Variants in DYNC2H1 observed in about 807,000 individuals in gnomAD.
DYNC2H1 encodes dynein cytoplasmic 2 heavy chain 1, also known as cytoplasmic dynein 2 heavy chain 1.
DYNC2H1 carries 410 observed loss-of-function variants against 570.0 expected under a neutral mutation model. The ratio of observed to expected loss-of-function variants is 0.72; its 90% confidence interval spans 0.66 to 0.78. The LOEUF (loss-of-function observed/expected upper bound fraction) is 0.78, where lower values mean the gene tolerates loss of function less well. Ranked by LOEUF, DYNC2H1 falls within the 30% of genes least tolerant of loss-of-function variation. DYNC2H1 has a pLI of 0.00. For synonymous variants in DYNC2H1, 1,688 were observed against 1,677.6 expected, an observed-to-expected ratio of 1.01 and a Z score of -0.15; for missense variants, 4,865 against 5,046.4, an observed-to-expected ratio of 0.96 and a Z score of 1.09.
chr11:103,458,569 G>A (rs1944878267), intron 87 of DYNC2H1, among the ~76,000 whole-genome samples: 2 of 151,768 alleles, frequency 1.3e-5, no homozygotes, highest in Non-Finnish European at 2.9e-5. Context: ...TGTCCTCAGG[G>A]AGTTTATAAT....
intron 31 of DYNC2H1, among the ~76,000 whole-genome samples, chr11:103,166,375 C>T (rs908887552): frequency 6.6e-6 from 1 of 152,092 alleles, no homozygotes; most frequent in African/African-American, 2.4e-5. Context: ...TTTGAAAAAA[C>T]TCGAGGAGAA....
rs559121731 is a variant in DYNC2H1 at position 103,158,493 on chromosome 11, T to C, written c.4128-184T>C. On this transcript the variant is annotated intron_variant, in intron 26 of 88. Transcript: ENST00000375735. Reference sequence around the variant, plus strand: ...TTAGCAAATGAAATATATAAGATAATTTAAAATATAAGAAGTTAAAAATGA... The same window carrying C: ...TTAGCAAATGAAATATATAAGATAACTTAAAATATAAGAAGTTAAAAATGA... 7.9e-5 allele frequency among the ~76,000 whole-genome samples: 12 copies of C among 152,220 alleles called. 1 individual carries two copies. In the South Asian group the frequency reaches 1.9e-3, roughly 24 times the overall value.
At chr11:103,196,526 A>G (rs1234610348) in intron 47 of DYNC2H1, among the ~76,000 whole-genome samples, 1 of 152,174 alleles carries the variant, frequency 6.6e-6, no homozygotes, top group Non-Finnish European at 1.5e-5. Context: ...AGAACATAGG[A>G]GTTTTGCCTA....
At chr11:103,464,142 AAAG>A (rs1945113969) in intron 87 of DYNC2H1, among the ~76,000 whole-genome samples, 5 of 152,238 alleles carry the variant, frequency 3.3e-5, no homozygotes, top group Non-Finnish European at 5.9e-5. Flanking sequence ...ATCTGACAAA[AAAG>A]TTAACTATTT....
At chr11:103,425,460 TA>T (rs1342256776) in intron 84 of DYNC2H1, among the ~76,000 whole-genome samples, 1 of 151,996 alleles carries the variant, frequency 6.6e-6, no homozygotes, top group Non-Finnish European at 1.5e-5. Context: ...CCTCTTATTA[TA>T]AGAGCATTAA....
At chr11:103,397,722 C>G (rs1198587009) in intron 83 of DYNC2H1, among the ~76,000 whole-genome samples, 1 of 152,028 alleles carries the variant, frequency 6.6e-6, no homozygotes, top group Non-Finnish European at 1.5e-5. Flanking sequence ...TGGCAAATAC[C>G]TGTCTCTACA....
At chr11:103,120,277 G>T (rs1483916407) in intron 6 of DYNC2H1, among the ~76,000 whole-genome samples, 170 bp from the exon 7 acceptor site, 4 of 152,058 alleles carry the variant, frequency 2.6e-5, no homozygotes, top group African/African-American at 9.7e-5. Flanking sequence ...GCATCACTTT[G>T]TTGTTGTCAC....
At chr11:103,382,504 T>C (rs1460853197) in intron 83 of DYNC2H1, among the ~76,000 whole-genome samples, 1 of 152,208 alleles carries the variant, frequency 6.6e-6, no homozygotes, top group East Asian at 1.9e-4. Flanking sequence ...TGATAATTTC[T>C]TCCTCTCAGA....
In DYNC2H1 at chr11:103,439,474, T is replaced by C. The variant is rs1258359962; in HGVS notation, c.12456+3442T>C. 1.3e-5 allele frequency among the ~76,000 whole-genome samples: 2 copies of C among 152,146 alleles called. No individual in the cohort carries two copies. Among genetic ancestry groups the C allele is most frequent in the African/African-American group, 4.8e-5 (2 of 41,428 alleles). ...ATCATGATAATGTATTAAGGAATTA[T>C]ATTTTATCCTAAGGACAAAAGGTAA... On this transcript the variant is annotated intron_variant, in intron 85 of 88. Transcript: ENST00000375735. This position sits in a 1 kb window ranked among gnomAD's most constrained non-coding sequence, Gnocchi z 4.1.
chr11:103,456,285 C>A lies in DYNC2H1; in HGVS notation c.12577C>A (p.Arg4193Ser). Reference protein sequence around the residue: ...LRQETARAVGRSVDSLKFVAS... With the variant: ...LRQETARAVGSSVDSLKFVAS... ...GCTTTACCTTTACAGGGCAGTGGGT[C>A]GTTCTGTGGATAGCCTTAAATTTGT... Residue 4193 changes from arginine to serine, a missense_variant, in exon 87 of 89, where the codon CGT becomes AGT. Around this residue, in one of 5 missense-constraint regions of DYNC2H1, gnomAD observed 2,401 missense variants for 2,454.6 expected, o/e 0.98. Transcript: ENST00000375735. The A allele has an allele frequency of 6.2e-7, 1 of 1,607,820 alleles. No individual in the cohort carries two copies. Among genetic ancestry groups the A allele is most frequent in the South Asian group, 1.1e-5 (1 of 89,660 alleles).
intron 31 of DYNC2H1, among the ~76,000 whole-genome samples, chr11:103,167,198 G>C (rs11225577): frequency 0.11 from 16,274 of 150,270 alleles, 1,030 homozygotes; most frequent in East Asian, 0.22. Context: ...CTTTCCACTT[G>C]TTTCAAAAGT....
intron 20 of DYNC2H1, among the ~76,000 whole-genome samples, chr11:103,150,242 T>C (rs634366): frequency 0.68 from 103,843 of 152,054 alleles, 36,282 homozygotes; most frequent in East Asian, 0.78. Context: ...AGTGACACAA[T>C]GTCTCTGACA....
chr11:103,378,888 A>G (rs887866798), intron 83 of DYNC2H1, among the ~76,000 whole-genome samples: 2 of 152,124 alleles, frequency 1.3e-5, no homozygotes, highest in Non-Finnish European at 2.9e-5. Context: ...GAAAGTGACT[A>G]TTTCTTTCCT....
chr11:103,274,236 T>G (rs780496357), intron 70 of DYNC2H1, among the ~76,000 whole-genome samples: 6 of 151,942 alleles, frequency 3.9e-5, no homozygotes, highest in Non-Finnish European at 5.9e-5. Flanking sequence ...GACTCATACA[T>G]GTAATCTCAG....
intron 83 of DYNC2H1, among the ~76,000 whole-genome samples, chr11:103,387,583 A>G (rs1027181889): frequency 3.9e-5 from 6 of 152,300 alleles, no homozygotes; most frequent in South Asian, 4.1e-4. Flanking sequence ...GCCCATGCCT[A>G]TGTCCTGAAT....
At chr11:103,143,473 G>A in intron 18 of DYNC2H1, 78 bp downstream of exon 18, 2 of 1,390,426 alleles carry the variant, frequency 1.4e-6, no homozygotes, top group Middle Eastern at 1.9e-4. Flanking sequence ...CTACTTAGTG[G>A]CATTGAAGTC....
chr11:103,300,847 T>C (rs892536290), intron 75 of DYNC2H1, among the ~76,000 whole-genome samples: 8 of 151,960 alleles, frequency 5.3e-5, no homozygotes, highest in Admixed American at 4.6e-4. Context: ...TTAGCTTTTT[T>C]AGACAGTTTT....
In DYNC2H1 at chr11:103,385,804, G is replaced by A. The variant is rs143422181; in HGVS notation, c.12157-13859G>A. ...AGACATCCCCTTTCAAAGGAAAGAG[G>A]ACAGCTGCCTTCTTCCTCTTTATAA... On this transcript the variant is annotated intron_variant, in intron 83 of 88. Transcript: ENST00000375735. Among the ~76,000 whole-genome samples, 21 of 152,224 alleles carry A rather than the reference G, an allele frequency of 1.4e-4. No homozygotes were observed. The East Asian group carries it at 3.9e-3, about 28-fold the overall frequency.
At position 103,280,018 on chromosome 11, in the gene DYNC2H1, T is replaced by C. The variant is rs2135335075; in HGVS notation, c.10696-330T>C. Among the ~76,000 whole-genome samples the C allele has an allele frequency of 6.6e-6, 1 of 152,268 alleles. No individual in the cohort carries two copies. Among genetic ancestry groups the C allele is most frequent in the African/African-American group, 2.4e-5 (1 of 41,564 alleles). ...AAGATTGCTAATGCATGGAGTGGATTTGGTGGATGATGACTAATCAAATTT... is the reference window on the plus strand; with the variant it reads ...AAGATTGCTAATGCATGGAGTGGATCTGGTGGATGATGACTAATCAAATTT... On this transcript the variant is annotated intron_variant, in intron 70 of 88. Coordinates refer to ENST00000375735, the MANE Select transcript of DYNC2H1 (RefSeq NM_001377.3). The surrounding 1 kb of genome is among the most constrained non-coding windows in gnomAD (Gnocchi z 4.7).
Sources: allele counts gnomAD v4.1 joint callset (sites outside exome capture counted in the v4.1 genomes callset), GRCh38; gene constraint gnomAD v4.1.1; regional missense constraint gnomAD v4.1.1; non-coding constraint Gnocchi (gnomAD v3.1); transcripts MANE v1.5; gene names NCBI Gene and HGNC (gene_info 2026-07-23, HGNC 2026-07-21).